ADGRL3: variants seen among roughly 807,000 people sequenced by gnomAD.
The protein encoded by ADGRL3 is adhesion G protein-coupled receptor L3.
A neutral mutation model predicts 153.5 loss-of-function variants in ADGRL3; 62 were observed. The observed-to-expected ratio is 0.40, with a 90% confidence interval of 0.33 to 0.50. ADGRL3 has a LOEUF of 0.50. Among genes scored for constraint, ADGRL3 ranks in the 20% least tolerant of loss-of-function variants. ADGRL3 has a pLI of 0.47. For missense variants in ADGRL3, 1,641 were observed against 1,859.4 expected (o/e 0.88, Z 2.16); for synonymous variants, 710 against 672.5 (o/e 1.06, Z -0.86).
chr4:61,313,089 T>C (rs1304489508), intron 1 of ADGRL3, among the ~76,000 whole-genome samples: 1 of 152,192 alleles, frequency 6.6e-6, no homozygotes, highest in Non-Finnish European at 1.5e-5. Context: ...GGGGACATCC[T>C]AAATGCTTGA....
intron 1 of ADGRL3, among the ~76,000 whole-genome samples, chr4:61,335,887 T>C (rs1304703862): frequency 3.3e-5 from 5 of 152,192 alleles, no homozygotes; most frequent in African/African-American, 9.6e-5. Flanking sequence ...CAGTATATCA[T>C]TGTCATTGTA....
chr4:61,694,496 A>T (rs984417777), intron 6 of ADGRL3, among the ~76,000 whole-genome samples: 3 of 152,186 alleles, frequency 2.0e-5, no homozygotes, highest in Non-Finnish European at 4.4e-5. Context: ...GTCTATAAAA[A>T]GAATATGTAT....
In ADGRL3 at chr4:61,587,396, T is replaced by C. The variant is rs774664014; in HGVS notation, c.429T>C (p.Asn143=). The C allele has an allele frequency of 2.5e-6, 4 of 1,612,500 alleles. No individual in the cohort carries two copies. The South Asian group carries it at 4.4e-5, about 18-fold the overall frequency. Residue 143 remains asparagine (N), a synonymous_variant, in exon 5 of 27, where the codon AAT becomes AAC. Transcript: ENST00000683033. ...ICDSDPAQME[N]IRCYLPDAYK... ...ACTCTGACCCTGCTCAGATGGAGAA[T>C]ATCCGATGTTATCTGCCAGATGCCT...
chr4:61,969,433 A>G (rs1167952695), intron 17 of ADGRL3, among the ~76,000 whole-genome samples: 1 of 152,044 alleles, frequency 6.6e-6, no homozygotes, highest in East Asian at 1.9e-4. Context: ...TATTTATTGT[A>G]GACTACTCTG....
intron 2 of ADGRL3, among the ~76,000 whole-genome samples, chr4:61,483,603 G>GGC (rs2152745516): frequency 6.6e-6 from 1 of 152,072 alleles, no homozygotes; most frequent in Admixed American, 6.5e-5. Context: ...TGGGCATGGT[G>GGC]GCGCATGCCT....
chr4:61,636,578 C>T, intron 5 of ADGRL3, among the ~76,000 whole-genome samples: 1 of 151,952 alleles, frequency 6.6e-6, no homozygotes, highest in East Asian at 1.9e-4. Context: ...TTCTCTAAAG[C>T]CCTTATACTA....
At chr4:61,547,893 T>C (rs1200352778) in intron 4 of ADGRL3, among the ~76,000 whole-genome samples, 2 of 152,160 alleles carry the variant, frequency 1.3e-5, no homozygotes, top group Non-Finnish European at 2.9e-5. Context: ...TGTTCTCTTT[T>C]CTCTGCAACC....
In ADGRL3 at chr4:62,050,344, T is replaced by A. The variant is rs114372977; in HGVS notation, c.3814+5795T>A. ...CATAAGCAAACACTGCCTTCACTTTTCTTCTAAGTCCTGTCCTCTCCCTTC... is the reference window on the plus strand; with the variant it reads ...CATAAGCAAACACTGCCTTCACTTTACTTCTAAGTCCTGTCCTCTCCCTTC... On this transcript the variant is annotated intron_variant, in intron 25 of 26. Coordinates refer to ENST00000683033, the MANE Select transcript of ADGRL3 (RefSeq NM_001387552.1). Among the ~76,000 whole-genome samples the A allele has an allele frequency of 7.7e-3, 1,165 of 152,216 alleles. 9 individuals carry two copies. Among genetic ancestry groups the A allele is most frequent in the Middle Eastern group, 0.014 (4 of 294 alleles).
intron 19 of ADGRL3, among the ~76,000 whole-genome samples, chr4:61,990,952 CTGTGTGTGTGTG>C (rs34294452): frequency 6.6e-4 from 94 of 142,346 alleles, no homozygotes; most frequent in African/African-American, 9.8e-4. Flanking sequence ...ATGTTTGAAA[CTGTGTGTGTGTG>C]TGTGTGTGTG....
chr4:61,234,178 A>ATAAACACTT (rs1217733030), intron 1 of ADGRL3, among the ~76,000 whole-genome samples: 5 of 152,100 alleles, frequency 3.3e-5, no homozygotes, highest in Non-Finnish European at 4.4e-5. Flanking sequence ...CACATAACTG[A>ATAAACACTT]GACTGGGAAG....
At chr4:61,817,555 A>G (rs1468464750) in intron 9 of ADGRL3, among the ~76,000 whole-genome samples, 1 of 152,076 alleles carries the variant, frequency 6.6e-6, no homozygotes. Context: ...GAAGCTACCC[A>G]CTTCAGGTCT....
intron 1 of ADGRL3, among the ~76,000 whole-genome samples, chr4:61,289,127 CTT>C (rs1484294424): frequency 6.6e-6 from 1 of 151,848 alleles, no homozygotes; most frequent in East Asian, 1.9e-4. Context: ...TTGAAACAGA[CTT>C]ATCATATTTT....
intron 3 of ADGRL3, among the ~76,000 whole-genome samples, chr4:61,511,689 C>A (rs2152875116): frequency 6.6e-6 from 1 of 152,202 alleles, no homozygotes; most frequent in African/African-American, 2.4e-5. Context: ...AGAGAAGGAA[C>A]CTGTTGAGTT....
rs536875854 is a variant in ADGRL3 at position 61,659,438 on chromosome 4, C to A, written c.474-17388C>A. On this transcript the variant is annotated intron_variant, in intron 5 of 26. Coordinates refer to ENST00000683033, the MANE Select transcript of ADGRL3 (RefSeq NM_001387552.1). ...GAGTTCTTGAAAGCATGTCCCATGTCTAATTTGTATTTGTTCCCAGCAGTG... is the reference window on the plus strand; with the variant it reads ...GAGTTCTTGAAAGCATGTCCCATGTATAATTTGTATTTGTTCCCAGCAGTG... 2.6e-5 allele frequency among the ~76,000 whole-genome samples: 4 copies of A among 152,232 alleles called. No homozygotes were observed. The South Asian group carries it at 8.3e-4, about 32-fold the overall frequency.
At chr4:61,749,898 G>C (rs1455135141) in intron 8 of ADGRL3, among the ~76,000 whole-genome samples, 2 of 151,056 alleles carry the variant, frequency 1.3e-5, no homozygotes, top group Non-Finnish European at 3.0e-5. Context: ...TAAAGAAAAA[G>C]ACAAAAATGA....
intron 9 of ADGRL3, among the ~76,000 whole-genome samples, chr4:61,835,235 G>A (rs1432203095): frequency 2.0e-5 from 3 of 148,388 alleles, no homozygotes; most frequent in African/African-American, 5.0e-5. Flanking sequence ...TTTCCAAAAC[G>A]AGTTCTGCGG....
chr4:61,644,518 T>A (rs2093863938), intron 5 of ADGRL3, among the ~76,000 whole-genome samples: 1 of 152,212 alleles, frequency 6.6e-6, no homozygotes, highest in Non-Finnish European at 1.5e-5. Flanking sequence ...AGAACATCTT[T>A]ATTTCTGCCT....
intron 1 of ADGRL3, among the ~76,000 whole-genome samples, chr4:61,332,475 G>A (rs1358320018): frequency 6.6e-6 from 1 of 151,970 alleles, no homozygotes; most frequent in African/African-American, 2.4e-5. Context: ...TTTGATAAAG[G>A]CTTATAACGC....
At chr4:61,673,339 A>G (rs560096729) in intron 5 of ADGRL3, among the ~76,000 whole-genome samples, 2 of 151,894 alleles carry the variant, frequency 1.3e-5, no homozygotes, top group Admixed American at 1.3e-4. Context: ...TAAGATGATG[A>G]ATATGTTAAT....
Sources: allele counts gnomAD v4.1 joint callset (sites outside exome capture counted in the v4.1 genomes callset), GRCh38; gene constraint gnomAD v4.1.1; transcripts MANE v1.5; gene names NCBI Gene and HGNC (gene_info 2026-07-23, HGNC 2026-07-21).